Variants in AGPAT3 observed in about 807,000 individuals in gnomAD.
AGPAT3 encodes 1-acyl-sn-glycerol-3-phosphate acyltransferase gamma.
Under a neutral mutation model 47.3 loss-of-function variants are expected in AGPAT3, and 5 were observed. The ratio of observed to expected loss-of-function variants is 0.11; its 90% CI spans 0.06 to 0.22. AGPAT3 has a LOEUF of 0.22. Among genes scored for constraint, AGPAT3 ranks in the 10% least tolerant of loss-of-function variants. The pLI is 1.00. For synonymous variants in AGPAT3, 212 were observed against 208.3 expected (o/e 1.02, Z -0.15); for missense variants, 315 against 493.0 (o/e 0.64, Z 3.42).
At chr21:43,974,981 G>C (rs1478066494) in intron 7 of AGPAT3, among the ~76,000 whole-genome samples, 1 of 152,234 alleles carries the variant, frequency 6.6e-6, no homozygotes, top group Non-Finnish European at 1.5e-5. Context: ...AGAGGCTTGT[G>C]AACACTGCAT....
chr21:43,970,533 T>C lies in AGPAT3; in HGVS notation c.511-120T>C. On this transcript the variant is annotated intron_variant, in intron 5 of 9. Coordinates refer to ENST00000291572, the MANE Select transcript of AGPAT3 (RefSeq NM_020132.5). The surrounding 1 kb of genome is among the most constrained non-coding windows in gnomAD (Gnocchi z 5.8). ...AACCCATGCTGCTCGCTAAAGCGGT[T>C]CCAAGATTTCCACAAATTCAGCCAC... The C allele has an allele frequency of 9.1e-7, 1 of 1,098,034 alleles. No individual in the cohort carries two copies. Among genetic ancestry groups the C allele is most frequent in the Non-Finnish European group, 1.3e-6 (1 of 770,320 alleles). 68.0% of individuals were successfully genotyped at this position (1,098,034 alleles called of 1,614,324 possible). A position where few individuals can be genotyped will look rare whatever the true frequency, so the allele number is the denominator to read the frequency against.
intron 2 of AGPAT3, among the ~76,000 whole-genome samples, chr21:43,943,040 G>A (rs1363697260): frequency 6.6e-6 from 1 of 152,202 alleles, no homozygotes; most frequent in African/African-American, 2.4e-5. Context: ...TGGCCAGGGT[G>A]CATGGTCATG....
intron 2 of AGPAT3, chr21:43,948,184 C>T (rs898704974): frequency 1.3e-5 from 2 of 152,126 alleles, no homozygotes; most frequent in Non-Finnish European, 2.9e-5. Flanking sequence ...CTCAGCTGCT[C>T]CCCAGACCCT....
chr21:43,931,806 T>C (rs1393302790), intron 2 of AGPAT3, among the ~76,000 whole-genome samples: 1 of 152,096 alleles, frequency 6.6e-6, no homozygotes, highest in Non-Finnish European at 1.5e-5. Context: ...AGTAAAACCA[T>C]GATTCTAAAC....
rs2089889298 is a variant in AGPAT3, at chr21:43,982,467, G to C, written c.*75G>C. The C allele has an allele frequency of 4.7e-6, 5 of 1,075,056 alleles. No homozygotes were observed. The highest frequency in any genetic ancestry group is 2.1e-5 in the Admixed American group (1 of 47,426). 66.6% of individuals were successfully genotyped at this position (1,075,056 alleles called of 1,614,324 possible). Reference sequence around the variant, plus strand: ...ACTCAAAACCAACACACAGAGTGCAGGAAAAGACAATTAGAAACTATTTTT... The same window carrying C: ...ACTCAAAACCAACACACAGAGTGCACGAAAAGACAATTAGAAACTATTTTT... On this transcript the variant is annotated 3_prime_UTR_variant, in exon 10 of 10. Coordinates refer to ENST00000291572, the MANE Select transcript of AGPAT3 (RefSeq NM_020132.5). This position sits in a 1 kb window ranked among gnomAD's most constrained non-coding sequence, Gnocchi z 6.2.
At chr21:43,912,941 C>T (rs1350610888) in intron 2 of AGPAT3, among the ~76,000 whole-genome samples, 1 of 152,216 alleles carries the variant, frequency 6.6e-6, no homozygotes, top group African/African-American at 2.4e-5. Context: ...TGACTGTGGC[C>T]TGTGAATGAG....
chr21:43,893,127 G>T (rs1210438849), intron 1 of AGPAT3, among the ~76,000 whole-genome samples: 2 of 152,172 alleles, frequency 1.3e-5, no homozygotes, highest in Non-Finnish European at 2.9e-5. Flanking sequence ...GTTGAGTGTG[G>T]CCACCTTCAT....
In AGPAT3 at chr21:43,930,012, A is replaced by T. The variant is rs989228364; in HGVS notation, c.-49+25993A>T. On this transcript the variant is annotated intron_variant, in intron 2 of 9. Transcript: ENST00000291572. This position sits in a 1 kb window ranked among gnomAD's most constrained non-coding sequence, Gnocchi z 5.0. ...AGCCCAGGCGTGCCGGAGAGAGAGG[A>T]CTTGAGTGACTGTCCTCCTGGAACC... is the stretch of plus-strand genomic sequence containing the variant. Among the ~76,000 whole-genome samples the T allele has an allele frequency of 1.3e-5, 2 of 152,196 alleles. No homozygotes were observed. Among genetic ancestry groups the T allele is most frequent in the African/African-American group, 4.8e-5 (2 of 41,448 alleles).
At chr21:43,890,615 C>G (rs1048947420) in intron 1 of AGPAT3, among the ~76,000 whole-genome samples, 6 of 151,652 alleles carry the variant, frequency 4.0e-5, no homozygotes, top group African/African-American at 1.2e-4. Flanking sequence ...TTTTCACCAC[C>G]CTGCCCAGGC....
At chr21:43,949,624 G>A (rs1264624471) in intron 2 of AGPAT3, among the ~76,000 whole-genome samples, 1 of 152,236 alleles carries the variant, frequency 6.6e-6, no homozygotes, top group East Asian at 1.9e-4. Flanking sequence ...AGGAGGAGCT[G>A]CACGTTACTA....
chr21:43,961,995 T>G (rs1016492508), intron 3 of AGPAT3, among the ~76,000 whole-genome samples: 7 of 149,204 alleles, frequency 4.7e-5, no homozygotes, highest in African/African-American at 1.8e-4. Flanking sequence ...TCCTGGTTTG[T>G]TTTTTCTCTT....
intron 2 of AGPAT3, among the ~76,000 whole-genome samples, chr21:43,912,743 C>T (rs1569060435): frequency 6.6e-6 from 1 of 152,216 alleles, no homozygotes; most frequent in Non-Finnish European, 1.5e-5. Context: ...ATTCCTGTGT[C>T]CCGGGATAAA....
At chr21:43,946,381 C>T (rs548293991) in intron 2 of AGPAT3, among the ~76,000 whole-genome samples, 10 of 152,000 alleles carry the variant, frequency 6.6e-5, no homozygotes, top group Non-Finnish European at 1.3e-4. Flanking sequence ...GGGTGGGTCA[C>T]CTGAGGTCAA....
intron 2 of AGPAT3, chr21:43,919,681 G>T (rs1324494672): frequency 6.6e-6 from 1 of 152,154 alleles, no homozygotes; most frequent in Non-Finnish European, 1.5e-5. Flanking sequence ...TCGAATGGTG[G>T]ATCTACTTTT....
rs112531795 is a variant in AGPAT3 at position 43,952,628 on chromosome 21, G to A, written c.-48-7006G>A. On this transcript the variant is annotated intron_variant, in intron 2 of 9. Coordinates refer to ENST00000291572, the MANE Select transcript of AGPAT3 (RefSeq NM_020132.5). This position sits in a 1 kb window ranked among gnomAD's most constrained non-coding sequence, Gnocchi z 5.6. ...CGCCCCAGGACCAAGATGTGCTGGC[G>A]CCAGGCTTCCGGGCAACCTAAATCT... Among the ~76,000 whole-genome samples the A allele has an allele frequency of 0.015, 2,332 of 152,278 alleles. 62 individuals carry two copies. The highest frequency in any genetic ancestry group is 0.052 in the African/African-American group (2,164 of 41,548).
intron 2 of AGPAT3, among the ~76,000 whole-genome samples, chr21:43,911,658 C>T (rs2086635803): frequency 6.6e-6 from 1 of 152,272 alleles, no homozygotes; most frequent in Non-Finnish European, 1.5e-5. Flanking sequence ...TCCTTTTCCA[C>T]TCTGGAGCTG....
In AGPAT3 at chr21:43,984,868, G is replaced by T. The variant is rs1601499134; in HGVS notation, c.*2476G>T. The T allele has an allele frequency of 3.1e-6, 1 of 322,776 alleles. No individual in the cohort carries two copies. The highest frequency in any genetic ancestry group is 6.2e-6 in the Non-Finnish European group (1 of 162,504). The allele number at this position is 322,776 out of a possible 1,614,324, so 20.0% of individuals were successfully genotyped here. A position where few individuals can be genotyped will look rare whatever the true frequency, so the allele number is the denominator to read the frequency against. ...TGTTATGTCCAAATTCAGGCTGAGTGCTCAGGCTGAAGCAACTCTGTAGCC... is the reference window on the plus strand; with the variant it reads ...TGTTATGTCCAAATTCAGGCTGAGTTCTCAGGCTGAAGCAACTCTGTAGCC... On this transcript the variant is annotated 3_prime_UTR_variant, in exon 10 of 10. Coordinates refer to ENST00000291572, the MANE Select transcript of AGPAT3 (RefSeq NM_020132.5).
chr21:43,967,495 C>T (rs1372220009), intron 3 of AGPAT3: 1 of 154,188 alleles, frequency 6.5e-6, no homozygotes, highest in East Asian at 1.9e-4. Context: ...AATATAATTC[C>T]TATTACTCTG....
chr21:43,893,958 T>G (rs764398079), intron 1 of AGPAT3, among the ~76,000 whole-genome samples: 4 of 152,166 alleles, frequency 2.6e-5, no homozygotes, highest in Non-Finnish European at 5.9e-5. Flanking sequence ...AGTGAGCACT[T>G]GATGTTGGAA....
Sources: gnomAD v4.1 joint callset for allele counts (sites outside exome capture counted in the v4.1 genomes callset) on GRCh38, gnomAD v4.1.1 for gene constraint, Gnocchi (gnomAD v3.1) non-coding constraint, MANE v1.5 for transcripts, NCBI Gene and HGNC (gene_info 2026-07-23, HGNC 2026-07-21) for gene names.